The following EXOC7 variants were observed in gnomAD, a reference collection of about 807,000 sequenced individuals.
EXOC7 encodes the protein exocyst complex component 7, also known as exocyst complex component Exo70.
In EXOC7, 51 loss-of-function variants were observed where a neutral mutation model predicts 87.6. That is an observed-to-expected ratio of 0.58 (90% CI 0.46 to 0.73). The LOEUF is 0.73. EXOC7 is among the 30% of genes least tolerant of loss of function. EXOC7 has a pLI of 0.00. For synonymous variants in EXOC7, 327 were observed against 357.1 expected (o/e 0.92, Z 0.95); for missense variants, 744 against 888.4 (o/e 0.84, Z 2.07).
chr17:76,088,057 C>T lies in EXOC7; in HGVS notation c.1362+3G>A, dbSNP rs1427755441. 5 of 1,613,938 alleles carry T rather than the reference C, an allele frequency of 3.1e-6. No homozygotes were observed. Among genetic ancestry groups the T allele is most frequent in the East Asian group, 2.2e-5 (1 of 44,886 alleles). On this transcript the variant is annotated splice_donor_region_variant and intron_variant, in intron 11 of 18. Transcript: ENST00000589210. ...CTCCCTGGTGTCCTCAGGCAGCACC[C>T]ACATTGCTGGTGAGCTCGTGTACGG...
intron 6 of EXOC7, 71 bp from the exon 7 acceptor site, chr17:76,091,306 C>G: frequency 1.5e-6 from 2 of 1,339,880 alleles, no homozygotes; most frequent in East Asian, 4.6e-5. Context: ...AGCAGCGGCC[C>G]TCCACCTGCC....
intron 7 of EXOC7, chr17:76,090,211 G>T: frequency 8.4e-7 from 1 of 1,187,944 alleles, no homozygotes; most frequent in Non-Finnish European, 1.2e-6. Context: ...GAGGCGCATA[G>T]GCCTGGCCCA....
chr17:76,094,182 C>T (rs988837131), intron 6 of EXOC7: 1 of 470,594 alleles, frequency 2.1e-6, no homozygotes, highest in Non-Finnish European at 3.8e-6. Context: ...CTCCCCTACT[C>T]CAAAGAAGCT....
intron 2 of EXOC7, chr17:76,103,123 T>TA (rs2068155690): frequency 2.2e-5 from 12 of 557,556 alleles, no homozygotes; most frequent in Non-Finnish European, 3.9e-5. Flanking sequence ...ATGGCGAGCT[T>TA]AGACAGAAAG....
chr17:76,085,317 C>A lies in EXOC7; in HGVS notation c.1709G>T (p.Arg570Leu). 6.3e-7 allele frequency: 1 copy of A among 1,596,686 alleles called. No homozygotes were observed. The highest frequency in any genetic ancestry group is 8.5e-7 in the Non-Finnish European group (1 of 1,172,350). Residue 570 changes from arginine (R) to leucine (L), a missense_variant, in exon 15 of 19, where the codon CGC (arginine) becomes CTC (leucine). Transcript: ENST00000589210. ...CAGGGCGGGCCCAGCCTCTCACCTGCGCTGGTAGGTCTGGATCTGCTGCTC... is the reference window on the plus strand; with the variant it reads ...CAGGGCGGGCCCAGCCTCTCACCTGAGCTGGTAGGTCTGGATCTGCTGCTC... ...HIEQQIQTYQ[R>L]SWLKVTDYIA...
intron 15 of EXOC7, 64 bp from the exon 16 acceptor site, chr17:76,084,644 C>G: frequency 6.8e-7 from 1 of 1,473,486 alleles, no homozygotes; most frequent in Non-Finnish European, 9.4e-7. Context: ...TGGCTTGTTT[C>G]GTTTGCTAAA....
Position 76,081,453 on chromosome 17 carries a change from A to G in EXOC7, c.*2195T>C, listed in dbSNP as rs746214535. ...CAGAGGGCTGCTGGAGGCGGGTGGGAGTGAGGATGCACGGCCAGAGGCCAG... is the reference window on the plus strand; with the variant it reads ...CAGAGGGCTGCTGGAGGCGGGTGGGGGTGAGGATGCACGGCCAGAGGCCAG... On this transcript the variant is annotated 3_prime_UTR_variant, in exon 19 of 19. Transcript: ENST00000589210. 17 of 1,611,864 alleles carry G rather than the reference A, an allele frequency of 1.1e-5. No homozygotes were observed. Among genetic ancestry groups the G allele is most frequent in the Non-Finnish European group, 1.4e-5 (17 of 1,179,174 alleles).
chr17:76,101,333 T>C lies in EXOC7; in HGVS notation c.355A>G (p.Ile119Val), dbSNP rs780727973. 1.2e-6 allele frequency: 2 copies of C among 1,613,918 alleles called. No homozygotes were observed. The highest frequency in any genetic ancestry group is 4.5e-5 in the East Asian group (2 of 44,884). Residue 119 changes from isoleucine (I) to valine (V), a missense_variant, in exon 4 of 19, where the codon ATT (isoleucine) becomes GTT (valine). Around this residue, in one of 3 missense-constraint regions of EXOC7, gnomAD observed 512 missense variants for 573.0 expected, o/e 0.89. Coordinates refer to ENST00000589210, the MANE Select transcript of EXOC7 (RefSeq NM_001013839.4). ...TGGAAATACTCCACTGCCTTCTGAA[T>C]CTTGGCCATGCTTCCCAGGTACTCT... is the stretch of plus-strand genomic sequence containing the variant. ...LEEYLGSMAK[I>V]QKAVEYFQDN...
Position 76,082,903 on chromosome 17 carries a change from G to T in EXOC7, c.*745C>A. On this transcript the variant is annotated 3_prime_UTR_variant, in exon 19 of 19. Transcript: ENST00000589210. ...TTTTGCTCCTTAACTTTTCCCCATTGTCCCTGTCTCCCAGCCCACAGGCAG... is the reference window on the plus strand; with the variant it reads ...TTTTGCTCCTTAACTTTTCCCCATTTTCCCTGTCTCCCAGCCCACAGGCAG... 1 of 347,756 alleles carries T rather than the reference G, an allele frequency of 2.9e-6. No homozygotes were observed. Among genetic ancestry groups the T allele is most frequent in the Non-Finnish European group, 5.2e-6 (1 of 193,378 alleles). 21.5% of individuals were successfully genotyped at this position (347,756 alleles called of 1,614,324 possible).
Position 76,084,142 on chromosome 17 carries a change from G to A in EXOC7, c.1819-3C>T, listed in dbSNP as rs750319378. The A allele has an allele frequency of 6.3e-7, 1 of 1,595,870 alleles. No individual in the cohort carries two copies. Among genetic ancestry groups the A allele is most frequent in the South Asian group, 1.1e-5 (1 of 88,486 alleles). ...TCTTCGAGGCCATCATTGAAGCCCTGGCCACCAAAAAGGTGAAAAAGGAAG... is the reference window on the plus strand; with the variant it reads ...TCTTCGAGGCCATCATTGAAGCCCTAGCCACCAAAAAGGTGAAAAAGGAAG... On this transcript the variant is annotated splice_region_variant and splice_polypyrimidine_tract_variant and intron_variant, in intron 17 of 18. Transcript: ENST00000589210.
chr17:76,101,858 A>G lies in EXOC7; in HGVS notation c.132T>C (p.Ser44=), dbSNP rs2068078980. The G allele has an allele frequency of 6.2e-7, 1 of 1,611,408 alleles. No individual in the cohort carries two copies. The highest frequency in any genetic ancestry group is 1.1e-5 in the South Asian group (1 of 90,698). Residue 44 remains serine, a synonymous_variant, in exon 3 of 19, where the codon TCT becomes TCC. Transcript: ENST00000589210. ...KSDQLTKNMV[S]ILSSFESRLM... The stretch of plus-strand genomic sequence containing the variant: ...GGCGGCTCTCAAAGGATGATAAGAT[A>G]GACACCTGCGGGAGGGAAGCCTCTT...
chr17:76,097,105 C>T (rs1249678416), intron 5 of EXOC7, among the ~76,000 whole-genome samples: 2 of 152,144 alleles, frequency 1.3e-5, no homozygotes, highest in South Asian at 2.1e-4. Flanking sequence ...ACCTCAGCCT[C>T]CCAAACTGTT....
chr17:76,103,494 C>T, intron 1 of EXOC7, 68 bp from the exon 2 acceptor site: 1 of 1,550,170 alleles, frequency 6.5e-7, no homozygotes, highest in South Asian at 1.2e-5. Context: ...CGTCCCAACC[C>T]CACGGCCTAG....
In EXOC7 at chr17:76,088,849, G is replaced by C; in HGVS notation, c.1122C>G (p.Asp374Glu). The C allele has an allele frequency of 1.2e-6, 2 of 1,613,926 alleles. No homozygotes were observed. Among genetic ancestry groups the C allele is most frequent in the East Asian group, 4.5e-5 (2 of 44,868 alleles). ...SAARKAIVRH[D>E]FSTVLTVFPI... is the part of the protein sequence containing the mutation. ...GGAAGACGGTGAGCACCGTGGAGAA[G>C]TCGTGTCGCACAATGGCCTTCCGGG... Residue 374 changes from aspartate to glutamate, a missense_variant, in exon 9 of 19, where the codon GAC becomes GAG. Transcript: ENST00000589210.
chr17:76,082,312 A>C lies in EXOC7; in HGVS notation c.*1336T>G. 1 of 861,228 alleles carries C rather than the reference A, an allele frequency of 1.2e-6. No individual in the cohort carries two copies. The highest frequency in any genetic ancestry group is 2.7e-5 in the East Asian group (1 of 37,572). The allele number at this position is 861,228 out of a possible 1,614,324, so 53.3% of individuals were successfully genotyped here. A position where few individuals can be genotyped will look rare whatever the true frequency, so the allele number is the denominator to read the frequency against. On this transcript the variant is annotated 3_prime_UTR_variant, in exon 19 of 19. Coordinates refer to ENST00000589210, the MANE Select transcript of EXOC7 (RefSeq NM_001013839.4). ...CCTAAGAGGGTGTTTCTTCAACTGA[A>C]GATGGCCTGAAATGGGCCAGACCCA...
chr17:76,090,324 C>G, intron 7 of EXOC7: 1 of 1,550,834 alleles, frequency 6.4e-7, no homozygotes, highest in Admixed American at 2.0e-5. Flanking sequence ...GGCTGCGGTA[C>G]TCACCGGCCA....
Position 76,084,488 on chromosome 17 carries a change from C to A in EXOC7, c.1776+29G>T, listed in dbSNP as rs765523918. On this transcript the variant is annotated intron_variant, in intron 16 of 18. Transcript: ENST00000589210. ...CAAAAAGTATCCCGTCTGCCAGACA[C>A]CCCTTCCCAGCCCAGGTCTTGAGCC... 13 of 1,611,418 alleles carry A rather than the reference C, an allele frequency of 8.1e-6. No individual in the cohort carries two copies. The East Asian group carries it at 2.9e-4, about 36-fold the overall frequency.
rs1230272208 is a variant in EXOC7, at chr17:76,088,535, G to C, written c.1228C>G (p.Leu410Val). The C allele has an allele frequency of 6.2e-7, 1 of 1,613,942 alleles. No homozygotes were observed. ...TCCATGGATGTGATGAGGCCAGGCAGCTTGTTCTTTGTGCTGGCAGCCGTG... is the reference window on the plus strand; with the variant it reads ...TCCATGGATGTGATGAGGCCAGGCACCTTGTTCTTTGTGCTGGCAGCCGTG... ...QGTAASTKNKLPGLITSMETI... is the reference protein window; with the variant it reads ...QGTAASTKNKVPGLITSMETI... The change falls in exon 10 of 19, where the codon CTG becomes GTG. Residue 410 changes from leucine (L) to valine (V), a missense_variant. This residue lies in a region of EXOC7 where 512 missense variants were observed against 573.0 expected (regional missense o/e 0.89). Coordinates refer to ENST00000589210, the MANE Select transcript of EXOC7 (RefSeq NM_001013839.4).
chr17:76,085,175 G>C (rs1470144709), intron 15 of EXOC7, 139 bp downstream of exon 15: 1 of 722,028 alleles, frequency 1.4e-6, no homozygotes, highest in Non-Finnish European at 2.3e-6. Flanking sequence ...CCGTGAGTTT[G>C]ATTAGAAACC....
Sources: allele counts gnomAD v4.1 joint callset (sites outside exome capture counted in the v4.1 genomes callset), GRCh38; gene constraint gnomAD v4.1.1; regional missense constraint gnomAD v4.1.1; transcripts MANE v1.5; gene names NCBI Gene and HGNC (gene_info 2026-07-23, HGNC 2026-07-21).